MCM3: variants seen among roughly 807,000 people sequenced by gnomAD.
The protein encoded by MCM3 is DNA replication licensing factor MCM3.
A neutral mutation model predicts 91.3 loss-of-function variants in MCM3; 59 were observed. The observed-to-expected ratio is 0.65, with a 90% CI of 0.52 to 0.80. MCM3 has a LOEUF of 0.80. MCM3 is among the 30% of genes least tolerant of loss of function. The probability of loss-of-function intolerance (pLI) is 0.00; values close to 1 mark genes in which losing one functional copy is unlikely to be tolerated. For missense variants in MCM3, 919 were observed against 1,035.4 expected (o/e 0.89, Z 1.54); for synonymous variants, 383 against 379.6 (o/e 1.01, Z -0.10).
chr6:52,275,251 T>C (rs1019393907), intron 9 of MCM3, among the ~76,000 whole-genome samples: 1 of 152,196 alleles, frequency 6.6e-6, no homozygotes, highest in Admixed American at 6.5e-5. Context: ...GGTGTTCCCA[T>C]ACACTGTGGG....
At chr6:52,281,183 A>G (rs1244417050) in intron 4 of MCM3, among the ~76,000 whole-genome samples, 1 of 152,232 alleles carries the variant, frequency 6.6e-6, no homozygotes, top group African/African-American at 2.4e-5. Context: ...ACCAAGAAGA[A>G]AGCATTTTCC....
chr6:52,278,306 G>C (rs769783671), intron 6 of MCM3, among the ~76,000 whole-genome samples: 2 of 152,236 alleles, frequency 1.3e-5, no homozygotes, highest in East Asian at 1.9e-4. Context: ...TACTGTGCTT[G>C]AACAGTAACC....
chr6:52,266,020 C>T, intron 16 of MCM3, 55 bp downstream of exon 16: 4 of 1,514,364 alleles, frequency 2.6e-6, no homozygotes, highest in South Asian at 1.1e-5. Flanking sequence ...AACAAAGTCC[C>T]TTCCTCAGCG....
At chr6:52,280,316 C>T (rs1018548813) in intron 4 of MCM3, among the ~76,000 whole-genome samples, 2 of 152,146 alleles carry the variant, frequency 1.3e-5, no homozygotes, top group African/African-American at 2.4e-5. Context: ...CTTTCCTGTA[C>T]GTATATTAAA....
chr6:52,278,922 G>T, intron 5 of MCM3, 72 bp from the exon 6 acceptor site: 1 of 1,092,256 alleles, frequency 9.2e-7, no homozygotes, highest in Admixed American at 2.2e-5. Context: ...ACCCCTAGCA[G>T]GAGTAAGCCT....
chr6:52,283,869 A>G (rs1352688591), intron 1 of MCM3, among the ~76,000 whole-genome samples: 1 of 152,248 alleles, frequency 6.6e-6, no homozygotes, highest in Non-Finnish European at 1.5e-5. Context: ...TCAAATATAT[A>G]CAATAAAAAT....
intron 3 of MCM3, 38 bp from the exon 4 acceptor site, chr6:52,282,213 C>G: frequency 5.0e-6 from 8 of 1,610,648 alleles, no homozygotes; most frequent in Non-Finnish European, 6.8e-6. Context: ...ACTCACCCAA[C>G]TAGACGATGA....
At chr6:52,283,958 A>C (rs1766401986) in intron 1 of MCM3, among the ~76,000 whole-genome samples, 1 of 152,210 alleles carries the variant, frequency 6.6e-6, no homozygotes, top group South Asian at 2.1e-4. Context: ...TATTTTTTCC[A>C]ATCATCTCTA....
chr6:52,276,214 G>A, intron 9 of MCM3, 54 bp downstream of exon 9: 1 of 1,514,406 alleles, frequency 6.6e-7, no homozygotes, highest in Non-Finnish European at 9.0e-7. Context: ...AGCCCAGTTA[G>A]TCAGCAAAAC....
At chr6:52,265,715 T>A (rs1350600409) in intron 16 of MCM3, among the ~76,000 whole-genome samples, 1 of 152,112 alleles carries the variant, frequency 6.6e-6, no homozygotes, top group Non-Finnish European at 1.5e-5. Flanking sequence ...GTAAAAATTC[T>A]TCATTTCAAA....
At chr6:52,274,433 A>C (rs1180262692) in intron 9 of MCM3, among the ~76,000 whole-genome samples, 2 of 152,128 alleles carry the variant, frequency 1.3e-5, no homozygotes. Flanking sequence ...TAATCCCAGC[A>C]CTTTGGGAGT....
chr6:52,282,578 A>G (rs538310441), intron 3 of MCM3, 75 bp downstream of exon 3: 89 of 1,413,682 alleles, frequency 6.3e-5, no homozygotes, highest in Non-Finnish European at 8.6e-5. Context: ...AGCTACCCAG[A>G]TCTACTTTGC....
chr6:52,282,757 T>C lies in MCM3; in HGVS notation c.296A>G (p.Tyr99Cys), dbSNP rs142196279. ...ATYAKQYEEF[Y>C]VGLEGSFGSK... ...GCCAAAGCTGCCTTCCAGTCCTACG[T>C]AGAACTCCTCATACTGCTTGGCATA... The change falls in exon 3 of 17, where the codon TAC becomes TGC. Residue 99 changes from tyrosine (Y) to cysteine (C), a missense_variant. Coordinates refer to ENST00000596288, the MANE Select transcript of MCM3 (RefSeq NM_002388.6). 8.1e-6 allele frequency: 13 copies of C among 1,614,084 alleles called. No individual in the cohort carries two copies. Among genetic ancestry groups the C allele is most frequent in the East Asian group, 4.5e-5 (2 of 44,872 alleles).
Position 52,272,286 on chromosome 6 carries a change from C to A in MCM3, c.1827+15G>T. Reference sequence around the variant, plus strand: ...ACCTAAGGGACCCCAAGCCTAGGCTCCCCCAGGCACTCACCCTGGCGGTGT... The same window carrying A: ...ACCTAAGGGACCCCAAGCCTAGGCTACCCCAGGCACTCACCCTGGCGGTGT... On this transcript the variant is annotated intron_variant, in intron 12 of 16. Coordinates refer to ENST00000596288, the MANE Select transcript of MCM3 (RefSeq NM_002388.6). 1 of 1,611,280 alleles carries A rather than the reference C, an allele frequency of 6.2e-7. No homozygotes were observed.
chr6:52,282,665 T>G lies in MCM3; in HGVS notation c.388A>C (p.Ile130Leu), dbSNP rs1463282001. ...FLSCVVCVEG[I>L]VTKCSLVRPK... is the part of the protein sequence containing the mutation. ...TTAACCCACTTACATTTAGTGACAA[T>G]GCCCTCCACACAGACCACACAGCTG... is the stretch of plus-strand genomic sequence containing the variant. Residue 130 changes from isoleucine (I) to leucine (L), a missense_variant, in exon 3 of 17, where the codon ATT becomes CTT. This residue lies in a region of MCM3 where 401 missense variants were observed against 402.7 expected (regional missense o/e 1.00). Transcript: ENST00000596288. The G allele has an allele frequency of 1.2e-6, 2 of 1,613,042 alleles. No homozygotes were observed. Among genetic ancestry groups the G allele is most frequent in the Admixed American group, 3.3e-5 (2 of 59,988 alleles).
chr6:52,280,445 A>T (rs1765987302), intron 4 of MCM3, among the ~76,000 whole-genome samples: 2 of 152,264 alleles, frequency 1.3e-5, no homozygotes, highest in Non-Finnish European at 2.9e-5. Context: ...TTATCACAAC[A>T]ACTTTGTAAA....
rs78059724 is a variant in MCM3 at position 52,266,923 on chromosome 6, A to T, written c.2073-227T>A. ...CCCAACGCTCTTTTCCACATCACTC[A>T]CCCTTATAAATTCAACTATAAGCAT... On this transcript the variant is annotated intron_variant, in intron 14 of 16. Coordinates refer to ENST00000596288, the MANE Select transcript of MCM3 (RefSeq NM_002388.6). Among the ~76,000 whole-genome samples the T allele has an allele frequency of 8.1e-3, 1,236 of 152,082 alleles. 12 individuals are homozygous for T. The highest frequency in any genetic ancestry group is 0.029 in the African/African-American group (1,183 of 41,480).
Position 52,272,465 on chromosome 6 carries a change from C to G in MCM3, c.1677-14G>C. 7.4e-6 allele frequency: 12 copies of G among 1,613,804 alleles called. No homozygotes were observed. The highest frequency in any genetic ancestry group is 8.5e-6 in the Non-Finnish European group (10 of 1,179,832). ...ACCATCTTCTCCCTGGAGCCACACA[C>G]AGTGAATTCCATCTCCCTGCCACAC... On this transcript the variant is annotated splice_polypyrimidine_tract_variant and intron_variant, in intron 11 of 16. Transcript: ENST00000596288.
chr6:52,284,068 A>ATGGC (rs1214289970), intron 1 of MCM3, among the ~76,000 whole-genome samples: 2 of 152,212 alleles, frequency 1.3e-5, no homozygotes, highest in Admixed American at 6.5e-5. Context: ...TCAACATTCT[A>ATGGC]TGGCTTTAAG....
Sources: allele counts gnomAD v4.1 joint callset (sites outside exome capture counted in the v4.1 genomes callset), GRCh38; gene constraint gnomAD v4.1.1; regional missense constraint gnomAD v4.1.1; transcripts MANE v1.5; gene names NCBI Gene and HGNC (gene_info 2026-07-23, HGNC 2026-07-21).